Variants in RANBP2 observed in about 807,000 individuals in gnomAD.
RANBP2 encodes E3 SUMO-protein ligase RanBP2.
In RANBP2, 57 loss-of-function variants were observed where a neutral mutation model predicts 303.6. The ratio of observed to expected loss-of-function variants is 0.19; its 90% CI spans 0.15 to 0.23. RANBP2 has a LOEUF of 0.23. Ranked by LOEUF, RANBP2 falls within the 10% of genes least tolerant of loss-of-function variation. RANBP2 has a pLI of 1.00. For synonymous variants in RANBP2, 1,167 were observed against 1,301.5 expected, an observed-to-expected ratio of 0.90 and a Z score of 2.23; for missense variants, 3,138 against 3,780.8, an observed-to-expected ratio of 0.83 and a Z score of 4.46.
chr2:109,137,461 G>C, the RANBP2 span, among the ~76,000 whole-genome samples: 1 of 152,342 alleles, frequency 6.6e-6, no homozygotes, highest in Middle Eastern at 3.4e-3. Context: ...CACATGCTCA[G>C]GAGATAAGAG....
chr2:109,556,440 G>A, the RANBP2 span, among the ~76,000 whole-genome samples: 4 of 152,092 alleles, frequency 2.6e-5, no homozygotes, highest in Non-Finnish European at 4.4e-5. Context: ...TCAAAGAAAC[G>A]CAGAGTAAGA....
At chr2:108,754,266 ATAT>A (rs1195532660) in intron 15 of RANBP2, among the ~76,000 whole-genome samples, 16 of 151,550 alleles carry the variant, frequency 1.1e-4, no homozygotes, top group African/African-American at 2.2e-4. Context: ...ATCAAAACAA[ATAT>A]TATAACCTCA....
the RANBP2 span, among the ~76,000 whole-genome samples, chr2:109,209,743 A>G: frequency 6.6e-6 from 1 of 152,194 alleles, no homozygotes; most frequent in Non-Finnish European, 1.5e-5. Flanking sequence ...TACAAACCCT[A>G]GGTGAGAGTA....
the RANBP2 span, among the ~76,000 whole-genome samples, chr2:109,501,142 C>T: frequency 6.6e-6 from 1 of 151,844 alleles, no homozygotes; most frequent in African/African-American, 2.4e-5. Context: ...TTTTCCTGAC[C>T]CTCCCCCGCC....
the RANBP2 span, among the ~76,000 whole-genome samples, chr2:109,341,878 T>G: frequency 6.6e-6 from 1 of 152,212 alleles, no homozygotes; most frequent in Non-Finnish European, 1.5e-5. Context: ...AAATGAAGGC[T>G]TCTGCTGGAA....
At chr2:109,124,008 ATTTATTTATTTATTAT>A in the RANBP2 span, among the ~76,000 whole-genome samples, 1 of 91,494 alleles carries the variant, frequency 1.1e-5, no homozygotes, top group Non-Finnish European at 3.1e-5. Context: ...TTATTTATTT[ATTTATTTATTTATTAT>A]TTTTTTGACA....
chr2:109,487,320 T>A, the RANBP2 span, among the ~76,000 whole-genome samples: 1 of 152,222 alleles, frequency 6.6e-6, no homozygotes, highest in African/African-American at 2.4e-5. Flanking sequence ...TATTCTTTCC[T>A]GCCTCACACG....
chr2:108,721,178 A>G (rs1234012260), intron 1 of RANBP2, among the ~76,000 whole-genome samples: 1 of 152,220 alleles, frequency 6.6e-6, no homozygotes, highest in Non-Finnish European at 1.5e-5. Context: ...CCCTGTGGAT[A>G]TTGAGACCTG....
chr2:109,260,668 C>G, the RANBP2 span, among the ~76,000 whole-genome samples: 2 of 152,116 alleles, frequency 1.3e-5, no homozygotes, highest in East Asian at 3.9e-4. Context: ...CAATGGAGGC[C>G]CATGGGAGAA....
At chr2:109,708,340 AC>A in the RANBP2 span, among the ~76,000 whole-genome samples, 5 of 152,060 alleles carry the variant, frequency 3.3e-5, no homozygotes, top group South Asian at 1.0e-3. Context: ...AACCTGGGCA[AC>A]AGAGCAAGAT....
the RANBP2 span, among the ~76,000 whole-genome samples, chr2:108,942,801 C>T: frequency 1.3e-5 from 2 of 152,240 alleles, no homozygotes; most frequent in Admixed American, 6.5e-5. Flanking sequence ...GGAGGAGGCG[C>T]GCTAAGAAAA....
At chr2:108,741,526 G>A (rs1453125586) in intron 7 of RANBP2, among the ~76,000 whole-genome samples, 1 of 41,662 alleles carries the variant, frequency 2.4e-5, no homozygotes, top group Non-Finnish European at 4.3e-5. Flanking sequence ...TTTTTTTTGA[G>A]ATGGAATCTT....
chr2:108,946,467 T>C, the RANBP2 span, among the ~76,000 whole-genome samples: 1 of 152,196 alleles, frequency 6.6e-6, no homozygotes, highest in Non-Finnish European at 1.5e-5. Flanking sequence ...AAAAGTTGGC[T>C]CTCTGGCCAA....
the RANBP2 span, among the ~76,000 whole-genome samples, chr2:109,668,725 G>A: frequency 6.6e-6 from 1 of 152,192 alleles, no homozygotes; most frequent in Admixed American, 6.5e-5. Context: ...GGCCAGTTTT[G>A]CTTATCAACA....
chr2:108,760,194 A>G (rs1300496451), intron 18 of RANBP2, among the ~76,000 whole-genome samples: 1 of 152,232 alleles, frequency 6.6e-6, no homozygotes, highest in Admixed American at 6.5e-5. Context: ...AGTACTGAAC[A>G]GGGTGAAGAA....
chr2:109,312,740 G>A, the RANBP2 span, among the ~76,000 whole-genome samples: 1 of 152,206 alleles, frequency 6.6e-6, no homozygotes, highest in Non-Finnish European at 1.5e-5. Context: ...CCCACTGTAT[G>A]GTATTTCCAC....
chr2:109,622,607 G>A, the RANBP2 span, among the ~76,000 whole-genome samples: 3 of 152,100 alleles, frequency 2.0e-5, no homozygotes, highest in Non-Finnish European at 4.4e-5. Context: ...CAGAATGGTG[G>A]AGCTGCTAAA....
At chr2:108,781,129 C>G in intron 25 of RANBP2, 140 bp from the exon 26 acceptor site, 3 of 973,538 alleles carry the variant, frequency 3.1e-6, no homozygotes, top group Middle Eastern at 3.3e-4. Flanking sequence ...GAGGAATTTA[C>G]TAGAATAATA....
chr2:109,222,749 C>T, the RANBP2 span, among the ~76,000 whole-genome samples: 1 of 152,226 alleles, frequency 6.6e-6, no homozygotes, highest in East Asian at 1.9e-4. Flanking sequence ...TCCAGTGTTT[C>T]TGTTAAATTA....
Sources: allele counts gnomAD v4.1 joint callset (sites outside exome capture counted in the v4.1 genomes callset), GRCh38; gene constraint gnomAD v4.1.1; transcripts MANE v1.5; gene names NCBI Gene and HGNC (gene_info 2026-07-23, HGNC 2026-07-21).